Variants in WDSUB1 observed in about 807,000 individuals in gnomAD.
WDSUB1 encodes the protein WD repeat, SAM and U-box domain-containing protein 1.
A neutral mutation model predicts 53.9 loss-of-function variants in WDSUB1; 49 were observed. The observed-to-expected ratio is 0.91, with a 90% CI of 0.72 to 1.15. WDSUB1 has a LOEUF of 1.15. WDSUB1 is among the 50% of genes most tolerant of loss of function. The pLI is 0.00. For missense variants in WDSUB1, 514 were observed against 562.0 expected, an observed-to-expected ratio of 0.91 and a Z score of 0.86; for synonymous variants, 194 against 200.6, an observed-to-expected ratio of 0.97 and a Z score of 0.28.
At chr2:159,276,895 C>CT (rs1418629871) in intron 3 of WDSUB1, among the ~76,000 whole-genome samples, 14 of 152,092 alleles carry the variant, frequency 9.2e-5, no homozygotes, top group Non-Finnish European at 1.8e-4. Context: ...GTTGTAGCTA[C>CT]TTAGGAGGCC....
At chr2:159,266,543 C>A (rs1375995171) in intron 5 of WDSUB1, among the ~76,000 whole-genome samples, 1 of 152,148 alleles carries the variant, frequency 6.6e-6, no homozygotes, top group Non-Finnish European at 1.5e-5. Flanking sequence ...AGTATAAGAA[C>A]CACTGACCTA....
At chr2:159,274,649 T>C (rs1357538621) in intron 4 of WDSUB1, among the ~76,000 whole-genome samples, 2 of 148,954 alleles carry the variant, frequency 1.3e-5, no homozygotes, top group East Asian at 4.0e-4. Flanking sequence ...ACTCCCTAAG[T>C]CCCCAGTCCT....
intron 3 of WDSUB1, among the ~76,000 whole-genome samples, chr2:159,276,302 C>T (rs368568988): frequency 1.2e-4 from 18 of 152,130 alleles, no homozygotes; most frequent in Non-Finnish European, 1.8e-4. Context: ...CCTTGCAATC[C>T]GCCTGCCTCA....
chr2:159,268,668 T>C (rs1464458915), intron 5 of WDSUB1, among the ~76,000 whole-genome samples: 1 of 152,238 alleles, frequency 6.6e-6, no homozygotes, highest in Non-Finnish European at 1.5e-5. Context: ...AGGAAAGTTT[T>C]AGAAAATCTA....
chr2:159,259,992 A>C (rs374124495), intron 5 of WDSUB1, 149 bp from the exon 6 acceptor site: 17 of 944,124 alleles, frequency 1.8e-5, no homozygotes, highest in African/African-American at 8.5e-5. Context: ...GTTCATATGC[A>C]TGAAAACTTT....
At chr2:159,267,304 T>C (rs925781425) in intron 5 of WDSUB1, among the ~76,000 whole-genome samples, 3 of 28,920 alleles carry the variant, frequency 1.0e-4, no homozygotes, top group Non-Finnish European at 2.6e-4. Flanking sequence ...TTTTCTTTCT[T>C]TTTTTTTTTT....
At chr2:159,267,205 A>G (rs762378455) in intron 5 of WDSUB1, among the ~76,000 whole-genome samples, 3 of 151,894 alleles carry the variant, frequency 2.0e-5, no homozygotes, top group Non-Finnish European at 4.4e-5. Context: ...CTGTTCCTCA[A>G]TCTTCCCATA....
intron 2 of WDSUB1, among the ~76,000 whole-genome samples, chr2:159,282,250 T>C (rs4665055): frequency 0.39 from 59,548 of 151,718 alleles, 13,425 homozygotes; most frequent in Non-Finnish European, 0.54. Flanking sequence ...TGGAGTACAG[T>C]GGTGTGATCT....
At chr2:159,269,421 T>A (rs966984331) in intron 5 of WDSUB1, among the ~76,000 whole-genome samples, 8 of 152,166 alleles carry the variant, frequency 5.3e-5, no homozygotes, top group Admixed American at 1.3e-4. Flanking sequence ...TAGGCCTGCC[T>A]CTGCCTCCCA....
intron 10 of WDSUB1, among the ~76,000 whole-genome samples, chr2:159,237,967 A>AG (rs1231144750): frequency 2.4e-5 from 3 of 122,866 alleles, no homozygotes; most frequent in East Asian, 4.3e-4. Context: ...TTCCATAGGA[A>AG]TTCTAAGTTT....
chr2:159,245,500 T>C (rs147230496), intron 10 of WDSUB1, among the ~76,000 whole-genome samples: 4,307 of 148,426 alleles, frequency 0.029, 189 homozygotes, highest in African/African-American at 0.096. Flanking sequence ...GCCACTGCAC[T>C]CCAGCGTGGG....
At position 159,283,002 on chromosome 2, in the gene WDSUB1, G is replaced by T; in HGVS notation, c.68C>A (p.Ser23Tyr). ...DDVNCCAFSF[S>Y]LLATCSLDKT... ...GTCCAAGGAGCAAGTAGCCAAGAGG[G>T]AAAAGGAGAAGGCACAGCAGTTGAC... Residue 23 changes from serine (S) to tyrosine (Y), a missense_variant, in exon 2 of 11, where the codon TCC (serine) becomes TAC (tyrosine). Transcript: ENST00000359774. 6.2e-7 allele frequency: 1 copy of T among 1,614,186 alleles called. No homozygotes were observed. The highest frequency in any genetic ancestry group is 8.5e-7 in the Non-Finnish European group (1 of 1,180,020).
chr2:159,284,175 AT>A (rs1441537905), intron 1 of WDSUB1, among the ~76,000 whole-genome samples: 1 of 152,214 alleles, frequency 6.6e-6, no homozygotes, highest in Admixed American at 6.5e-5. Flanking sequence ...AGAAAAAAAA[AT>A]CTATAAGACT....
chr2:159,243,952 T>C (rs1287152736), intron 10 of WDSUB1, among the ~76,000 whole-genome samples: 4 of 152,194 alleles, frequency 2.6e-5, no homozygotes, highest in Non-Finnish European at 5.9e-5. Context: ...CAAACATGTT[T>C]AAGAAGCCAG....
At chr2:159,283,668 A>G (rs928430019) in intron 1 of WDSUB1, among the ~76,000 whole-genome samples, 2 of 151,844 alleles carry the variant, frequency 1.3e-5, no homozygotes, top group African/African-American at 4.8e-5. Flanking sequence ...CTTCAAAAAA[A>G]AAAAAAGAAA....
chr2:159,255,577 T>A (rs1224790377), intron 9 of WDSUB1, among the ~76,000 whole-genome samples: 3 of 152,164 alleles, frequency 2.0e-5, no homozygotes, highest in African/African-American at 7.2e-5. Flanking sequence ...ACAAAATCAT[T>A]CTGTTAACTC....
At chr2:159,273,759 G>C (rs773176563) in intron 4 of WDSUB1, among the ~76,000 whole-genome samples, 5 of 152,170 alleles carry the variant, frequency 3.3e-5, no homozygotes, top group Non-Finnish European at 7.3e-5. Flanking sequence ...AAACTGTCAT[G>C]TATGTTTTTG....
Position 159,236,194 on chromosome 2 carries a change from A to G in WDSUB1, c.1274-4T>C, listed in dbSNP as rs1200892851. On this transcript the variant is annotated splice_region_variant and splice_polypyrimidine_tract_variant and intron_variant, in intron 10 of 10. Transcript: ENST00000359774. ...TCCTTTTCATATGAATAGCCATCTA[A>G]AAAAAAAAAATCACACAAATTACAT... is the stretch of plus-strand genomic sequence containing the variant. 5 of 1,506,786 alleles carry G rather than the reference A, an allele frequency of 3.3e-6. No homozygotes were observed. The highest frequency in any genetic ancestry group is 4.5e-6 in the Non-Finnish European group (5 of 1,112,812). The allele number at this position is 1,506,786 out of a possible 1,614,324, so 93.3% of individuals were successfully genotyped here.
chr2:159,265,120 CAACAAA>C (rs991335092), intron 5 of WDSUB1, among the ~76,000 whole-genome samples: 22 of 146,714 alleles, frequency 1.5e-4, no homozygotes, highest in African/African-American at 2.8e-4. Context: ...ACAACAACAA[CAACAAA>C]AAAAAACAAC....
Sources: allele counts gnomAD v4.1 joint callset (sites outside exome capture counted in the v4.1 genomes callset), GRCh38; gene constraint gnomAD v4.1.1; transcripts MANE v1.5; gene names NCBI Gene and HGNC (gene_info 2026-07-23, HGNC 2026-07-21).